AXIN1: variants seen among roughly 807,000 people sequenced by gnomAD.
The protein encoded by AXIN1 is axin 1.
AXIN1 carries 30 observed loss-of-function variants against 76.4 expected under a neutral mutation model. That is an observed-to-expected ratio of 0.39 (90% CI 0.29 to 0.53). The LOEUF is 0.53. AXIN1 is among the 20% of genes least tolerant of loss of function. The probability of loss-of-function intolerance (pLI) is 0.66; values close to 1 mark genes in which losing one functional copy is unlikely to be tolerated. For missense variants in AXIN1, 1,140 were observed against 1,198.8 expected, an observed-to-expected ratio of 0.95 and a Z score of 0.72; for synonymous variants, 545 against 501.4, an observed-to-expected ratio of 1.09 and a Z score of -1.16.
intron 2 of AXIN1, among the ~76,000 whole-genome samples, chr16:326,369 A>ACT (rs1567292723): frequency 7.3e-4 from 73 of 99,840 alleles, no homozygotes; most frequent in African/African-American, 4.0e-3. Flanking sequence ...AAAAAAAAAA[A>ACT]AAAATATATA....
chr16:337,497 CAAAA>C (rs35744069), intron 2 of AXIN1, among the ~76,000 whole-genome samples: 7 of 72,036 alleles, frequency 9.7e-5, no homozygotes, highest in African/African-American at 2.1e-4. Flanking sequence ...GGGTCAAAAC[CAAAA>C]AAAAAAAAAA....
intron 2 of AXIN1, among the ~76,000 whole-genome samples, chr16:326,608 C>CGTG (rs1345634072): frequency 7.5e-5 from 11 of 147,234 alleles, no homozygotes; most frequent in Non-Finnish European, 1.5e-4. Flanking sequence ...ATTAGCTGGG[C>CGTG]GTGGTGGCAC....
intron 5 of AXIN1, among the ~76,000 whole-genome samples, chr16:301,382 A>G (rs2052868529): frequency 6.6e-6 from 1 of 151,554 alleles, no homozygotes; most frequent in Admixed American, 6.6e-5. Flanking sequence ...ACCTGTGGGC[A>G]CTGCCATGCT....
At chr16:291,136 G>A in intron 9 of AXIN1, 54 bp downstream of exon 9, 2 of 1,506,504 alleles carry the variant, frequency 1.3e-6, no homozygotes, top group Non-Finnish European at 1.8e-6. Flanking sequence ...GACCTGGCTT[G>A]GGACGCCAGG....
Position 287,851 on chromosome 16 carries a change from C to G in AXIN1, c.*271G>C, listed in dbSNP as rs559501681. 34 of 549,592 alleles carry G rather than the reference C, an allele frequency of 6.2e-5. No individual in the cohort carries two copies. Among genetic ancestry groups the G allele is most frequent in the African/African-American group, 5.3e-4 (28 of 53,058 alleles). 34.0% of individuals were successfully genotyped at this position (549,592 alleles called of 1,614,324 possible). On this transcript the variant is annotated 3_prime_UTR_variant, in exon 11 of 11. Transcript: ENST00000262320. ...ATGGGGGGGGGTCACCTGAAGCTGGCAGCAGGGACCTCGGCTGCCTCACTT... is the reference window on the plus strand; with the variant it reads ...ATGGGGGGGGGTCACCTGAAGCTGGGAGCAGGGACCTCGGCTGCCTCACTT...
At chr16:334,398 C>A (rs1167379633) in intron 2 of AXIN1, among the ~76,000 whole-genome samples, 415 of 63,540 alleles carry the variant, frequency 6.5e-3, no homozygotes, top group Middle Eastern at 0.035. Context: ...TGCCAATAAC[C>A]CAGCACCCAG....
chr16:287,546 G>A lies in AXIN1; in HGVS notation c.*576C>T. On this transcript the variant is annotated 3_prime_UTR_variant, in exon 11 of 11. Transcript: ENST00000262320. ...AAAACAGACTCGGGCAGCCCCTGCT[G>A]GCCTAGCCTGAGAAATGTACATATT... The A allele has an allele frequency of 3.3e-6, 1 of 306,774 alleles. No individual in the cohort carries two copies. The highest frequency in any genetic ancestry group is 6.4e-5 in the South Asian group (1 of 15,724). 19.0% of individuals were successfully genotyped at this position (306,774 alleles called of 1,614,324 possible).
intron 5 of AXIN1, chr16:299,220 T>C (rs939939711): frequency 2.0e-6 from 2 of 985,318 alleles, no homozygotes; most frequent in Admixed American, 6.1e-5. Context: ...AGAGCAAACA[T>C]TTGATCACTT....
intron 5 of AXIN1, among the ~76,000 whole-genome samples, chr16:300,736 G>T (rs1485659911): frequency 6.6e-6 from 1 of 152,162 alleles, no homozygotes; most frequent in Non-Finnish European, 1.5e-5. Flanking sequence ...CAGCTATGCT[G>T]CCTCCCTTTC....
intron 2 of AXIN1, among the ~76,000 whole-genome samples, chr16:327,445 C>G (rs562589935): frequency 1.3e-5 from 2 of 152,336 alleles, no homozygotes; most frequent in South Asian, 4.1e-4. Context: ...TAGGAGGCCT[C>G]GCTGTGGTTC....
rs568166382 is a variant in AXIN1 at position 319,675 on chromosome 16, C to G, written c.879-4992G>C. ...CAGGAAGGCACCTCTCTGGGACTCC[C>G]GCGGCTGCTCCCACATCCAGCATGG... On this transcript the variant is annotated intron_variant, in intron 2 of 10. Coordinates refer to ENST00000262320, the MANE Select transcript of AXIN1 (RefSeq NM_003502.4). 8.1e-4 allele frequency among the ~76,000 whole-genome samples: 123 copies of G among 152,310 alleles called. 1 individual carries two copies. Among genetic ancestry groups the G allele is most frequent in the South Asian group, 1.5e-3 (7 of 4,822 alleles).
chr16:302,028 G>C (rs912784709), intron 5 of AXIN1, among the ~76,000 whole-genome samples: 3 of 152,206 alleles, frequency 2.0e-5, no homozygotes, highest in Admixed American at 2.0e-4. Flanking sequence ...CAACAGCCCA[G>C]TAAGGCTCCC....
intron 2 of AXIN1, among the ~76,000 whole-genome samples, chr16:323,796 A>ACACACACACACACC (rs1171076895): frequency 2.6e-5 from 4 of 151,868 alleles, no homozygotes; most frequent in Admixed American, 1.3e-4. Context: ...ACACACACAC[A>ACACACACACACACC]CACACACCAA....
chr16:329,949 G>A (rs2053661461), intron 2 of AXIN1, among the ~76,000 whole-genome samples: 1 of 151,784 alleles, frequency 6.6e-6, no homozygotes, highest in Non-Finnish European at 1.5e-5. Flanking sequence ...TGTATTTTTA[G>A]TAGAGACGGG....
chr16:333,813 A>G (rs1424927281), intron 2 of AXIN1, among the ~76,000 whole-genome samples: 1 of 152,052 alleles, frequency 6.6e-6, no homozygotes, highest in African/African-American at 2.4e-5. Context: ...GAGGTACCAC[A>G]GCATGCCAAT....
intron 2 of AXIN1, among the ~76,000 whole-genome samples, chr16:316,075 T>G (rs1249665251): frequency 6.6e-6 from 1 of 151,952 alleles, no homozygotes; most frequent in Non-Finnish European, 1.5e-5. Flanking sequence ...AATAAATCAA[T>G]CAGATATTCC....
intron 2 of AXIN1, among the ~76,000 whole-genome samples, chr16:319,373 T>C (rs925940517): frequency 1.3e-5 from 2 of 152,024 alleles, no homozygotes; most frequent in African/African-American, 2.4e-5. Context: ...CACGGTGACT[T>C]AGGGAAAAAC....
chr16:303,853 A>G (rs763944389), intron 5 of AXIN1, among the ~76,000 whole-genome samples: 12 of 151,812 alleles, frequency 7.9e-5, no homozygotes, highest in Non-Finnish European at 4.4e-5. Context: ...TCAAGGAACC[A>G]AAAGTGACCA....
chr16:307,391 G>A (rs1405316545), intron 4 of AXIN1, among the ~76,000 whole-genome samples: 1 of 152,204 alleles, frequency 6.6e-6, no homozygotes, highest in Non-Finnish European at 1.5e-5. Context: ...ATATCATAAA[G>A]GAAAAAGCCA....
Sources: gnomAD v4.1 joint callset for allele counts (sites outside exome capture counted in the v4.1 genomes callset) on GRCh38, gnomAD v4.1.1 for gene constraint, MANE v1.5 for transcripts, NCBI Gene and HGNC (gene_info 2026-07-23, HGNC 2026-07-21) for gene names.